KCNQ1OT1: variants seen among roughly 807,000 people sequenced by gnomAD.
The protein encoded by KCNQ1OT1 is KCNQ1 opposite strand/antisense transcript 1, also known as KCNQ1 antisense RNA 2 (non-protein coding).
exon 1 of KCNQ1OT1, chr11:2,630,999 T>G (rs1849343620): frequency 2.5e-6 from 1 of 398,552 alleles, no homozygotes; most frequent in Non-Finnish European, 4.4e-6. Flanking sequence ...ATCTTGCCGC[T>G]TTCAAAATTA....
exon 1 of KCNQ1OT1, chr11:2,619,147 C>T (rs1221876944): frequency 2.5e-6 from 1 of 398,448 alleles, no homozygotes; most frequent in African/African-American, 2.1e-5. Context: ...TTCTTACTTC[C>T]TGATTTGAAT....
At position 2,669,424 on chromosome 11, in the gene KCNQ1OT1, T is replaced by C; in HGVS notation, n.30571A>G. 1 of 398,644 alleles carries C rather than the reference T, an allele frequency of 2.5e-6. No homozygotes were observed. The highest frequency in any genetic ancestry group is 3.6e-5 in the East Asian group (1 of 28,084). 24.7% of individuals were successfully genotyped at this position (398,644 alleles called of 1,614,324 possible). On this transcript the variant is annotated non_coding_transcript_exon_variant, in exon 1 of 1. Transcript: ENST00000597346. This position sits in a 1 kb window ranked among gnomAD's most constrained non-coding sequence, Gnocchi z 5.6. ...ATCATGTGTCCCTTGTTTATTTAGG[T>C]TGACTTTCATATCTTTTACCTTGCC...
chr11:2,686,656 C>A (rs1488840801), exon 1 of KCNQ1OT1: 1 of 398,608 alleles, frequency 2.5e-6, no homozygotes, highest in East Asian at 3.6e-5. Context: ...AGCATGGCCG[C>A]TGGATCAAGT....
chr11:2,644,726 A>T (rs1849640325), exon 1 of KCNQ1OT1: 2 of 398,500 alleles, frequency 5.0e-6, no homozygotes, highest in South Asian at 2.5e-4. Context: ...CTGAAGATAT[A>T]TCTATGGTGT....
chr11:2,694,902 C>A (rs115305496), exon 1 of KCNQ1OT1: 2 of 398,428 alleles, frequency 5.0e-6, no homozygotes, highest in African/African-American at 4.1e-5. Context: ...GGAAGATCAC[C>A]AGAAAAGACA....
exon 1 of KCNQ1OT1, chr11:2,629,682 G>A (rs1200043623): frequency 1.0e-5 from 4 of 398,284 alleles, no homozygotes; most frequent in Admixed American, 8.8e-5. Context: ...TCTTTTTGAT[G>A]CTATTTTAAA....
At chr11:2,641,814 T>C in exon 1 of KCNQ1OT1, 1 of 398,464 alleles carries the variant, frequency 2.5e-6, no homozygotes, top group East Asian at 3.6e-5. Flanking sequence ...TTGATTTTAG[T>C]ATAGCAAGAG....
rs3889336 is a variant in KCNQ1OT1, at chr11:2,689,008, G to C, written n.10987C>G. 0.033 allele frequency: 13,227 copies of C among 398,732 alleles called. 300 individuals carry two copies. Among genetic ancestry groups the C allele is most frequent in the South Asian group, 0.096 (757 of 7,862 alleles). The allele number at this position is 398,732 out of a possible 1,614,324, so 24.7% of individuals were successfully genotyped here. A position where few individuals can be genotyped will look rare whatever the true frequency, so the allele number is the denominator to read the frequency against. On this transcript the variant is annotated non_coding_transcript_exon_variant, in exon 1 of 1. Transcript: ENST00000597346. ...GAGCAGGGGAGCCTGCAGGTCCCTGGGTTGGAATCCTGGAGCCCTGGGCTG... is the reference window on the plus strand; with the variant it reads ...GAGCAGGGGAGCCTGCAGGTCCCTGCGTTGGAATCCTGGAGCCCTGGGCTG...
exon 1 of KCNQ1OT1, chr11:2,685,923 C>G (rs768162446): frequency 7.8e-5 from 31 of 398,652 alleles, no homozygotes; most frequent in Non-Finnish European, 1.3e-4. Flanking sequence ...TGACCAAGTT[C>G]TGGGCCCACT....
At chr11:2,694,246 G>A (rs1850635945) in exon 1 of KCNQ1OT1, 1 of 398,676 alleles carries the variant, frequency 2.5e-6, no homozygotes, top group Admixed American at 4.4e-5. Flanking sequence ...ATGCAAGCCA[G>A]GGCCTGCTGC....
In KCNQ1OT1 at chr11:2,663,065, G is replaced by T. The variant is rs1479676913; in HGVS notation, n.36930C>A. ...CAGGTGTAACCAGAGAACTGGCAGG[G>T]TTGGGTAGCCAGAATGAGGCCACCT... On this transcript the variant is annotated non_coding_transcript_exon_variant, in exon 1 of 1. Coordinates refer to ENST00000597346, the Ensembl canonical transcript of KCNQ1OT1. The surrounding 1 kb of genome is among the most constrained non-coding windows in gnomAD (Gnocchi z 5.2). The T allele has an allele frequency of 1.0e-5, 4 of 398,480 alleles. No individual in the cohort carries two copies. The highest frequency in any genetic ancestry group is 1.8e-5 in the Non-Finnish European group (4 of 226,038). The allele number at this position is 398,480 out of a possible 1,614,324, so 24.7% of individuals were successfully genotyped here.
At position 2,658,483 on chromosome 11, in the gene KCNQ1OT1, AT is replaced by A; in HGVS notation, n.41511del. ...GTGCCCCCCGCCATCCTTTTCATTT[AT>A]TTTTAAGCATTTCTTTTCTAGCACT... On this transcript the variant is annotated non_coding_transcript_exon_variant, in exon 1 of 1. Coordinates refer to ENST00000597346, the Ensembl canonical transcript of KCNQ1OT1. The surrounding 1 kb of genome is among the most constrained non-coding windows in gnomAD (Gnocchi z 4.9). 3 of 398,346 alleles carry A rather than the reference AT, an allele frequency of 7.5e-6. No homozygotes were observed. The highest frequency in any genetic ancestry group is 8.8e-5 in the Admixed American group (2 of 22,710). 24.7% of individuals were successfully genotyped at this position (398,346 alleles called of 1,614,324 possible).
At chr11:2,681,558 A>C (rs1850397189) in exon 1 of KCNQ1OT1, 1 of 398,518 alleles carries the variant, frequency 2.5e-6, no homozygotes, top group African/African-American at 2.1e-5. Context: ...ACCCTTTTCT[A>C]GAGTAACTTC....
At chr11:2,686,606 T>C (rs1730288363) in exon 1 of KCNQ1OT1, 1 of 398,538 alleles carries the variant, frequency 2.5e-6, no homozygotes, top group Non-Finnish European at 4.4e-6. Flanking sequence ...ACTAGCACTT[T>C]TCACATGAGC....
exon 1 of KCNQ1OT1, chr11:2,615,854 G>T (rs1849052908): frequency 2.5e-6 from 1 of 397,714 alleles, no homozygotes; most frequent in African/African-American, 2.1e-5. Flanking sequence ...GTCTGGCTTT[G>T]GAATCCATGT....
exon 1 of KCNQ1OT1, chr11:2,648,132 G>A (rs974637607): frequency 4.7e-5 from 15 of 316,136 alleles, no homozygotes; most frequent in Non-Finnish European, 7.9e-5. Context: ...TTGAGCCCAG[G>A]AAGCAGAGGT....
At chr11:2,616,076 C>T in exon 1 of KCNQ1OT1, 1 of 397,800 alleles carries the variant, frequency 2.5e-6, no homozygotes, top group East Asian at 3.6e-5. Context: ...CTGTTTTGGT[C>T]TGTATTAGTA....
rs574834400 is a variant in KCNQ1OT1, at chr11:2,691,644, G to A, written n.8351C>T. The stretch of plus-strand genomic sequence containing the variant: ...GTACTGTGGGGAGGTCCTCTTTACC[G>A]CCACAGTTCCAAGGGTGAAACAGAG... On this transcript the variant is annotated non_coding_transcript_exon_variant, in exon 1 of 1. Coordinates refer to ENST00000597346, the Ensembl canonical transcript of KCNQ1OT1. This position sits in a 1 kb window ranked among gnomAD's most constrained non-coding sequence, Gnocchi z 6.4. 3.3e-5 allele frequency: 13 copies of A among 398,476 alleles called. No homozygotes were observed. The highest frequency in any genetic ancestry group is 6.3e-4 in the Middle Eastern group (1 of 1,588). The allele number at this position is 398,476 out of a possible 1,614,324, so 24.7% of individuals were successfully genotyped here.
rs1416400119 is a variant in KCNQ1OT1, at chr11:2,668,566, T to C, written n.31429A>G. On this transcript the variant is annotated non_coding_transcript_exon_variant, in exon 1 of 1. Transcript: ENST00000597346. The surrounding 1 kb of genome is among the most constrained non-coding windows in gnomAD (Gnocchi z 4.3). Reference sequence around the variant, plus strand: ...ACTAATGAAGTTGAGTCCCTTTCCATGTTATCATTTAGTCAGATACATCAT... The same window carrying C: ...ACTAATGAAGTTGAGTCCCTTTCCACGTTATCATTTAGTCAGATACATCAT... The C allele has an allele frequency of 5.0e-6, 2 of 398,534 alleles. No individual in the cohort carries two copies. Among genetic ancestry groups the C allele is most frequent in the African/African-American group, 4.1e-5 (2 of 48,634 alleles). 24.7% of individuals were successfully genotyped at this position (398,534 alleles called of 1,614,324 possible).
Sources: gnomAD v4.1 joint callset for allele counts on GRCh38, gnomAD v4.1.1 for gene constraint, Gnocchi (gnomAD v3.1) non-coding constraint, MANE v1.5 for transcripts, NCBI Gene and HGNC (gene_info 2026-07-23, HGNC 2026-07-21) for gene names.